CCDC171: variants seen among roughly 807,000 people sequenced by gnomAD.
The protein encoded by CCDC171 is coiled-coil domain-containing protein 171.
Under a neutral mutation model 168.2 loss-of-function variants are expected in CCDC171, and 177 were observed. That is an observed-to-expected ratio of 1.05 (90% confidence interval 0.93 to 1.19). The LOEUF (loss-of-function observed/expected upper bound fraction) is 1.19. CCDC171 is among the 50% of genes most tolerant of loss of function. The pLI, the probability that CCDC171 is intolerant of heterozygous loss-of-function variation, is 0.00. For missense variants in CCDC171, 1,991 were observed against 1,539.0 expected, an observed-to-expected ratio of 1.29 and a Z score of -4.91; for synonymous variants, 687 against 540.8, an observed-to-expected ratio of 1.27 and a Z score of -3.75.
At chr9:16,030,159 C>T (rs960165524) in intron 6 of CCDC171, among the ~76,000 whole-genome samples, 1 of 152,184 alleles carries the variant, frequency 6.6e-6, no homozygotes, top group African/African-American at 2.4e-5. Context: ...ATACCATCAC[C>T]TTGGTGATTT....
intron 18 of CCDC171, among the ~76,000 whole-genome samples, chr9:15,749,055 C>T (rs1588281260): frequency 6.6e-6 from 1 of 151,920 alleles, no homozygotes; most frequent in South Asian, 2.1e-4. Context: ...CATTGGTGTG[C>T]TGTATTCAGG....
At chr9:15,848,131 T>C (rs2060979591) in intron 22 of CCDC171, among the ~76,000 whole-genome samples, 1 of 151,950 alleles carries the variant, frequency 6.6e-6, no homozygotes, top group South Asian at 2.1e-4. Context: ...CAGATTCAAA[T>C]TGTATTTTCA....
intron 10 of CCDC171, among the ~76,000 whole-genome samples, chr9:15,680,250 C>G (rs534165346): frequency 6.6e-6 from 1 of 152,332 alleles, no homozygotes; most frequent in Admixed American, 6.5e-5. Context: ...GAATCCTCTT[C>G]TCAGCAGTTT....
intron 18 of CCDC171, among the ~76,000 whole-genome samples, chr9:15,749,216 A>T (rs1052934297): frequency 6.6e-6 from 1 of 152,164 alleles, no homozygotes; most frequent in African/African-American, 2.4e-5. Flanking sequence ...AGATCGAAAG[A>T]GACAAAGAAG....
At chr9:15,626,548 C>A (rs954895140) in intron 7 of CCDC171, among the ~76,000 whole-genome samples, 24 of 152,122 alleles carry the variant, frequency 1.6e-4, no homozygotes, top group Non-Finnish European at 2.6e-4. Context: ...TGTCAAAGGC[C>A]TTTTCTGCAT....
At chr9:15,865,101 G>A (rs2061719353) in intron 23 of CCDC171, among the ~76,000 whole-genome samples, 1 of 151,986 alleles carries the variant, frequency 6.6e-6, no homozygotes, top group Admixed American at 6.6e-5. Flanking sequence ...AAGACCTTGT[G>A]TCTATAAATC....
At chr9:15,574,349 T>C (rs1179406163) in intron 3 of CCDC171, among the ~76,000 whole-genome samples, 1 of 151,988 alleles carries the variant, frequency 6.6e-6, no homozygotes, top group African/African-American at 2.4e-5. Flanking sequence ...TTCACCATCT[T>C]GGCCAGGCTG....
chr9:15,642,367 A>G lies in CCDC171; in HGVS notation c.823-14760A>G, dbSNP rs932922121. ...TGTATATATATATATATATATATAT[A>G]TATATATATATATATATGCATTTTA... On this transcript the variant is annotated intron_variant, in intron 7 of 25. Transcript: ENST00000380701. 2.1e-3 allele frequency among the ~76,000 whole-genome samples: 101 copies of G among 47,250 alleles called. 3 individuals are homozygous for G. The highest frequency in any genetic ancestry group is 3.6e-3 in the East Asian group (1 of 274). 31.0% of individuals were successfully genotyped at this position (47,250 alleles called of 152,430 possible). A position where few individuals can be genotyped will look rare whatever the true frequency, so the allele number is the denominator to read the frequency against.
chr9:16,039,446 C>T (rs546130951), upstream of CCDC171, among the ~76,000 whole-genome samples: 1 of 152,138 alleles, frequency 6.6e-6, no homozygotes, highest in Admixed American at 6.5e-5. Context: ...AAGTCACATG[C>T]GTTAGTTAGA....
In CCDC171 at chr9:16,050,034, A is replaced by C. The variant is rs183599821; in HGVS notation, n.89+7148A>C. Reference sequence around the variant, plus strand: ...CCCAAGTAGCTGGGATTACAGGCGCATGCCACCACACCTGGCTAATTTTTG... The same window carrying C: ...CCCAAGTAGCTGGGATTACAGGCGCCTGCCACCACACCTGGCTAATTTTTG... On this transcript the variant is annotated intron_variant and non_coding_transcript_variant, in intron 1 of 1. Transcript: ENST00000478913. Among the ~76,000 whole-genome samples the C allele has an allele frequency of 7.2e-5, 11 of 152,132 alleles. No individual in the cohort carries two copies. The East Asian group carries it at 1.4e-3, about 19-fold the overall frequency.
At chr9:15,628,786 G>C (rs2045405471) in intron 7 of CCDC171, among the ~76,000 whole-genome samples, 1 of 152,206 alleles carries the variant, frequency 6.6e-6, no homozygotes, top group African/African-American at 2.4e-5. Flanking sequence ...CCCCCCAGTA[G>C]AGGCAGACTG....
chr9:15,639,101 A>G (rs904841815), intron 7 of CCDC171, among the ~76,000 whole-genome samples: 1 of 152,066 alleles, frequency 6.6e-6, no homozygotes, highest in Non-Finnish European at 1.5e-5. Flanking sequence ...CTAAATGCGT[A>G]CTATCTTCAA....
intron 11 of CCDC171, among the ~76,000 whole-genome samples, chr9:15,717,380 C>T (rs1287806788): frequency 1.4e-4 from 21 of 152,116 alleles, no homozygotes; most frequent in Admixed American, 1.4e-3. Flanking sequence ...GCTCAGGGTC[C>T]TAAATAAACT....
intron 3 of CCDC171, among the ~76,000 whole-genome samples, chr9:15,577,892 A>T (rs144502916): frequency 6.6e-6 from 1 of 152,294 alleles, no homozygotes; most frequent in East Asian, 1.9e-4. Context: ...TGGCATCTTC[A>T]CTTCTCCTGC....
chr9:15,571,082 G>T (rs1317045999), intron 2 of CCDC171, among the ~76,000 whole-genome samples: 3 of 152,252 alleles, frequency 2.0e-5, no homozygotes, highest in Admixed American at 6.5e-5. Flanking sequence ...GGGGTTATCA[G>T]TTACCACTTG....
Position 15,874,664 on chromosome 9 carries a change from G to T in CCDC171, c.3600+1G>T. 1.3e-6 allele frequency: 2 copies of T among 1,571,316 alleles called. No homozygotes were observed. Among genetic ancestry groups the T allele is most frequent in the Non-Finnish European group, 1.7e-6 (2 of 1,159,578 alleles). ...CGGGCCAGAGGTGGTAGCATGCCAGGTTAGAGTCTAAATAACATTGTTTGC... is the reference window on the plus strand; with the variant it reads ...CGGGCCAGAGGTGGTAGCATGCCAGTTTAGAGTCTAAATAACATTGTTTGC... On this transcript the variant is annotated splice_donor_variant, in intron 24 of 25. Transcript: ENST00000380701. LOFTEE classifies it high-confidence loss of function.
intron 1 of CCDC171, among the ~76,000 whole-genome samples, chr9:15,555,886 A>G (rs1049188735): frequency 1.3e-5 from 2 of 151,142 alleles, no homozygotes; most frequent in African/African-American, 4.9e-5. Context: ...CCCTGTGTCC[A>G]AGTATTCTCG....
At chr9:16,059,458 A>G (rs1000208568) in intron 1 of CCDC171, among the ~76,000 whole-genome samples, 2 of 147,544 alleles carry the variant, frequency 1.4e-5, no homozygotes, top group Non-Finnish European at 3.0e-5. Context: ...TCCAGGGGAC[A>G]CTGGGCTTTT....
chr9:15,825,888 A>G (rs1213949925), intron 21 of CCDC171, among the ~76,000 whole-genome samples: 19 of 152,208 alleles, frequency 1.2e-4, no homozygotes, highest in Admixed American at 1.2e-3. Context: ...CTAAGCTTCC[A>G]GAGGATTAAC....
Sources: gnomAD v4.1 joint callset for allele counts (sites outside exome capture counted in the v4.1 genomes callset) on GRCh38, gnomAD v4.1.1 for gene constraint, MANE v1.5 for transcripts, NCBI Gene and HGNC (gene_info 2026-07-23, HGNC 2026-07-21) for gene names.